SH3RF3: variants seen among roughly 807,000 people sequenced by gnomAD.
SH3RF3 encodes SH3 domain containing ring finger 3, also known as E3 ubiquitin-protein ligase SH3RF3.
Under a neutral mutation model 66.3 loss-of-function variants are expected in SH3RF3, and 29 were observed. That is an observed-to-expected ratio of 0.44 (90% CI 0.33 to 0.60). The LOEUF is 0.60. Among genes scored for constraint, SH3RF3 ranks in the 20% least tolerant of loss-of-function variants. The probability of loss-of-function intolerance (pLI) is 0.04; values close to 1 mark genes in which losing one functional copy is unlikely to be tolerated. For missense variants in SH3RF3, 1,194 were observed against 1,190.9 expected (o/e 1.00, Z -0.04); for synonymous variants, 583 against 532.0 (o/e 1.10, Z -1.32).
rs561620098 is a variant in SH3RF3 at position 109,501,693 on chromosome 2, A to C, written c.*22A>C. 4.0e-6 allele frequency: 3 copies of C among 741,326 alleles called. No individual in the cohort carries two copies. The South Asian group carries it at 4.3e-5, about 11-fold the overall frequency. 45.9% of individuals were successfully genotyped at this position (741,326 alleles called of 1,614,324 possible). ...CTGAGAACTGGTGCTCCCTGCACCC[A>C]GCTCACAGAGGGGGAGGCCGCCTGG... On this transcript the variant is annotated 3_prime_UTR_variant, in exon 10 of 10. Coordinates refer to ENST00000309415, the MANE Select transcript of SH3RF3 (RefSeq NM_001099289.3).
chr2:109,138,520 G>C (rs890882359), intron 1 of SH3RF3, among the ~76,000 whole-genome samples: 1 of 152,232 alleles, frequency 6.6e-6, no homozygotes, highest in Non-Finnish European at 1.5e-5. Context: ...CAAATTTTGA[G>C]TAATATTCTG....
At chr2:109,240,734 T>C (rs1679757338) in intron 1 of SH3RF3, among the ~76,000 whole-genome samples, 1 of 152,054 alleles carries the variant, frequency 6.6e-6, no homozygotes, top group African/African-American at 2.4e-5. Context: ...ACCCTTCTGT[T>C]TCCTTCTGAG....
intron 5 of SH3RF3, among the ~76,000 whole-genome samples, chr2:109,424,156 G>A (rs1393815167): frequency 1.3e-5 from 2 of 152,338 alleles, no homozygotes; most frequent in African/African-American, 4.8e-5. Flanking sequence ...ACACACCTGC[G>A]CTGTGGCTGA....
chr2:109,390,101 GTCT>G (rs1675943341), intron 3 of SH3RF3, among the ~76,000 whole-genome samples: 1 of 152,194 alleles, frequency 6.6e-6, no homozygotes, highest in Non-Finnish European at 1.5e-5. Flanking sequence ...GGATTTAAGT[GTCT>G]ACCGGAGGCC....
At chr2:109,391,800 C>A (rs1393463402) in intron 3 of SH3RF3, among the ~76,000 whole-genome samples, 1 of 152,156 alleles carries the variant, frequency 6.6e-6, no homozygotes, top group Non-Finnish European at 1.5e-5. Flanking sequence ...ATTTGCCTGA[C>A]CCACTTTTCA....
At chr2:109,474,948 C>G (rs1678641346) in intron 8 of SH3RF3, among the ~76,000 whole-genome samples, 1 of 152,066 alleles carries the variant, frequency 6.6e-6, no homozygotes, top group Admixed American at 6.5e-5. Context: ...TGTTTTTTGT[C>G]TTTTGTTTTG....
chr2:109,397,510 T>C (rs1315990567), intron 3 of SH3RF3, among the ~76,000 whole-genome samples: 1 of 152,192 alleles, frequency 6.6e-6, no homozygotes, highest in Non-Finnish European at 1.5e-5. Context: ...GGTGTGCACT[T>C]AGGCTGAGCC....
At chr2:109,147,354 C>T (rs183391628) in intron 1 of SH3RF3, among the ~76,000 whole-genome samples, 7 of 152,150 alleles carry the variant, frequency 4.6e-5, no homozygotes, top group African/African-American at 1.4e-4. Flanking sequence ...ACTATCTCTG[C>T]GCTGATAAGC....
chr2:109,133,150 G>C lies in SH3RF3; in HGVS notation c.573+3037G>C, dbSNP rs374184738. Among the ~76,000 whole-genome samples the C allele has an allele frequency of 5.3e-4, 81 of 152,278 alleles. 1 individual carries two copies. Among genetic ancestry groups the C allele is most frequent in the African/African-American group, 1.6e-3 (67 of 41,552 alleles). ...CAGAAGGTACCCGTGGGCACTGACC[G>C]GTGTCACTCCAGAATTCTGTGAGGG... On this transcript the variant is annotated intron_variant, in intron 1 of 9. Coordinates refer to ENST00000309415, the MANE Select transcript of SH3RF3 (RefSeq NM_001099289.3).
chr2:109,301,420 C>T (rs1313011344), intron 1 of SH3RF3, among the ~76,000 whole-genome samples: 1 of 152,026 alleles, frequency 6.6e-6, no homozygotes, highest in African/African-American at 2.4e-5. Context: ...CATGTAGTCT[C>T]CCCTGCATTC....
intron 8 of SH3RF3, among the ~76,000 whole-genome samples, chr2:109,484,544 G>T (rs950838374): frequency 1.3e-5 from 2 of 152,016 alleles, no homozygotes; most frequent in Non-Finnish European, 2.9e-5. Flanking sequence ...CTTGAGGCCC[G>T]CCCCCTCCTG....
At chr2:109,441,132 C>CAAAAAAAAAAAAAA (rs55649222) in intron 7 of SH3RF3, among the ~76,000 whole-genome samples, 125 of 133,974 alleles carry the variant, frequency 9.3e-4, no homozygotes, top group African/African-American at 3.2e-3. Context: ...TATAGGAATA[C>CAAAAAAAAAAAAAA]AAAAAAAAAA....
chr2:109,202,617 A>G (rs1320114553), intron 1 of SH3RF3, among the ~76,000 whole-genome samples: 1 of 152,142 alleles, frequency 6.6e-6, no homozygotes, highest in Non-Finnish European at 1.5e-5. Context: ...ATAGAGGGTG[A>G]GGCGTCAGCC....
rs1056962205 is a variant in SH3RF3 at position 109,499,585 on chromosome 2, G to A, written c.2481-1918G>A. On this transcript the variant is annotated intron_variant, in intron 9 of 9. Coordinates refer to ENST00000309415, the MANE Select transcript of SH3RF3 (RefSeq NM_001099289.3). The stretch of plus-strand genomic sequence containing the variant: ...GGGAGGCCCAGCTAGTGGGAGTGGG[G>A]ATGGGGCCCTGCCTGTCAGACTCTA... Among the ~76,000 whole-genome samples the A allele has an allele frequency of 7.2e-5, 11 of 152,314 alleles. No homozygotes were observed. In the East Asian group the frequency reaches 2.1e-3, roughly 29 times the overall value.
intron 1 of SH3RF3, among the ~76,000 whole-genome samples, chr2:109,227,460 A>G (rs559697925): frequency 6.6e-6 from 1 of 152,254 alleles, no homozygotes; most frequent in Admixed American, 6.5e-5. Flanking sequence ...ATGCGACTGG[A>G]GTTATGAGGA....
intron 1 of SH3RF3, among the ~76,000 whole-genome samples, chr2:109,297,935 C>T (rs1192377122): frequency 6.6e-6 from 1 of 151,746 alleles, no homozygotes; most frequent in Non-Finnish European, 1.5e-5. Flanking sequence ...GTGTGTTCCC[C>T]CCCCACCACC....
At chr2:109,371,490 T>C in intron 2 of SH3RF3, 96 bp from the exon 3 acceptor site, 1 of 958,490 alleles carries the variant, frequency 1.0e-6, no homozygotes, top group Non-Finnish European at 1.6e-6. Context: ...CCTTGGAATC[T>C]CTTCCGAGCC....
intron 3 of SH3RF3, among the ~76,000 whole-genome samples, chr2:109,372,665 G>T (rs191017334): frequency 1.3e-5 from 2 of 152,190 alleles, no homozygotes; most frequent in African/African-American, 4.8e-5. Flanking sequence ...GTTTCAGCGC[G>T]GGCCTCTTGG....
At chr2:109,352,206 C>T (rs903828927) in intron 2 of SH3RF3, among the ~76,000 whole-genome samples, 1 of 152,188 alleles carries the variant, frequency 6.6e-6, no homozygotes, top group Non-Finnish European at 1.5e-5. Context: ...GCTGTCTGCC[C>T]TCTCCTTTCT....
Sources: allele counts gnomAD v4.1 joint callset (sites outside exome capture counted in the v4.1 genomes callset), GRCh38; gene constraint gnomAD v4.1.1; transcripts MANE v1.5; gene names NCBI Gene and HGNC (gene_info 2026-07-23, HGNC 2026-07-21).